Variants in RAB27B observed in about 807,000 individuals in gnomAD.
RAB27B encodes the protein RAB27B, member RAS oncogene family, also known as ras-related protein Rab-27B.
A neutral mutation model predicts 24.6 loss-of-function variants in RAB27B; 15 were observed. The ratio of observed to expected loss-of-function variants is 0.61; its 90% confidence interval spans 0.41 to 0.94. The LOEUF (loss-of-function observed/expected upper bound fraction) is 0.94, where lower values mean the gene tolerates loss of function less well. Among genes scored for constraint, RAB27B ranks in the 40% least tolerant of loss-of-function variants. The pLI, the probability that RAB27B is intolerant of heterozygous loss-of-function variation, is 0.00. For synonymous variants in RAB27B, 105 were observed against 92.5 expected, an observed-to-expected ratio of 1.14 and a Z score of -0.78; for missense variants, 261 against 266.8, an observed-to-expected ratio of 0.98 and a Z score of 0.15.
intron 2 of RAB27B, among the ~76,000 whole-genome samples, chr18:54,796,555 C>T (rs1296580438): frequency 6.6e-6 from 1 of 152,032 alleles, no homozygotes; most frequent in Non-Finnish European, 1.5e-5. Context: ...GTCAGGATGC[C>T]CAGAGGCAGA....
At chr18:54,837,520 T>C (rs977202707) in intron 1 of RAB27B, among the ~76,000 whole-genome samples, 29 of 152,060 alleles carry the variant, frequency 1.9e-4, no homozygotes, top group Admixed American at 1.8e-3. Flanking sequence ...TTCAAGAAAA[T>C]GACTCTTGAA....
intron 2 of RAB27B, among the ~76,000 whole-genome samples, chr18:54,719,009 A>T (rs1014855127): frequency 2.6e-5 from 4 of 151,718 alleles, no homozygotes; most frequent in Admixed American, 1.3e-4. Flanking sequence ...TGAACAAAAT[A>T]TTGAGTTCTG....
intron 1 of RAB27B, among the ~76,000 whole-genome samples, chr18:54,868,700 T>C (rs1454327564): frequency 6.6e-6 from 1 of 151,994 alleles, no homozygotes; most frequent in Non-Finnish European, 1.5e-5. Flanking sequence ...CTCAACTCAC[T>C]GCAACCTCCT....
chr18:54,745,217 C>A, intron 2 of RAB27B: 1 of 183,774 alleles, frequency 5.4e-6, no homozygotes. Context: ...CATTGCCATC[C>A]CATGTAACAA....
chr18:54,756,314 C>T (rs1908004699), intron 2 of RAB27B, among the ~76,000 whole-genome samples: 2 of 152,242 alleles, frequency 1.3e-5, no homozygotes, highest in South Asian at 4.2e-4. Flanking sequence ...ATCATTGCCA[C>T]CATTTCAGTT....
intron 1 of RAB27B, among the ~76,000 whole-genome samples, chr18:54,872,953 A>G (rs901058395): frequency 6.6e-6 from 1 of 152,224 alleles, no homozygotes; most frequent in Non-Finnish European, 1.5e-5. Flanking sequence ...AACTTACATT[A>G]AACAAAAATA....
intron 1 of RAB27B, among the ~76,000 whole-genome samples, chr18:54,837,166 T>C (rs1290235678): frequency 1.3e-5 from 2 of 152,096 alleles, no homozygotes; most frequent in African/African-American, 4.8e-5. Flanking sequence ...TTTCAGTTAG[T>C]GGTTTGAAGG....
intron 2 of RAB27B, among the ~76,000 whole-genome samples, chr18:54,791,173 G>A (rs201451273): frequency 2.6e-5 from 4 of 151,828 alleles, no homozygotes; most frequent in Non-Finnish European, 5.9e-5. Flanking sequence ...TTATAGGCTT[G>A]TCTCACAATA....
At chr18:54,740,038 G>C (rs1261856284) in intron 2 of RAB27B, among the ~76,000 whole-genome samples, 5 of 152,098 alleles carry the variant, frequency 3.3e-5, no homozygotes, top group African/African-American at 9.7e-5. Context: ...TCATTCTGCA[G>C]CTTGCCTCTT....
At chr18:54,762,153 G>A (rs1000617088) in intron 2 of RAB27B, among the ~76,000 whole-genome samples, 1 of 152,146 alleles carries the variant, frequency 6.6e-6, no homozygotes, top group East Asian at 1.9e-4. Flanking sequence ...TATCCCTGTT[G>A]ACCTCTTGAT....
chr18:54,768,083 G>C (rs1373924197), intron 2 of RAB27B, among the ~76,000 whole-genome samples: 4 of 152,172 alleles, frequency 2.6e-5, no homozygotes, highest in African/African-American at 9.7e-5. Flanking sequence ...GGAGAGACAA[G>C]GAAGATGTGG....
intron 2 of RAB27B, 89 bp from the exon 3 acceptor site, chr18:54,879,280 T>G: frequency 1.0e-6 from 1 of 962,904 alleles, no homozygotes; most frequent in Non-Finnish European, 1.7e-6. Flanking sequence ...TTATAGTAAT[T>G]GAGAAAAAAA....
At chr18:54,816,568 A>G (rs1910128464) in intron 2 of RAB27B, among the ~76,000 whole-genome samples, 1 of 152,258 alleles carries the variant, frequency 6.6e-6, no homozygotes, top group South Asian at 2.1e-4. Context: ...AGATTTAAGG[A>G]TAATTTTTAT....
chr18:54,730,388 C>G (rs1302773007), intron 2 of RAB27B, among the ~76,000 whole-genome samples: 1 of 152,170 alleles, frequency 6.6e-6, no homozygotes, highest in Non-Finnish European at 1.5e-5. Flanking sequence ...CCAATGCCCT[C>G]CCGTCATCAA....
chr18:54,798,741 C>T (rs902831912), intron 2 of RAB27B, among the ~76,000 whole-genome samples: 1 of 152,152 alleles, frequency 6.6e-6, no homozygotes, highest in Non-Finnish European at 1.5e-5. Context: ...CAGTCACATT[C>T]TGTATATCAA....
At chr18:54,823,435 A>G (rs1052066350) in intron 2 of RAB27B, among the ~76,000 whole-genome samples, 4 of 152,152 alleles carry the variant, frequency 2.6e-5, no homozygotes, top group Non-Finnish European at 5.9e-5. Flanking sequence ...GTCAAGAGAA[A>G]TTTTTAAGAG....
intron 2 of RAB27B, among the ~76,000 whole-genome samples, chr18:54,789,882 G>T (rs1212149556): frequency 1.3e-5 from 2 of 152,046 alleles, no homozygotes; most frequent in African/African-American, 4.8e-5. Flanking sequence ...CATTTACTAA[G>T]GTTTTGCTTT....
intron 2 of RAB27B, among the ~76,000 whole-genome samples, chr18:54,819,217 AAATAT>A (rs1408270976): frequency 6.8e-6 from 1 of 148,014 alleles, no homozygotes; most frequent in Admixed American, 6.8e-5. Context: ...TTATAATTCT[AAATAT>A]AATAGAATTA....
At chr18:54,748,043 G>T (rs534760573) in intron 2 of RAB27B, among the ~76,000 whole-genome samples, 3 of 152,160 alleles carry the variant, frequency 2.0e-5, no homozygotes, top group South Asian at 4.2e-4. Flanking sequence ...GGAAGTGAAG[G>T]TTGCAATGAG....
Sources: allele counts gnomAD v4.1 joint callset (sites outside exome capture counted in the v4.1 genomes callset), GRCh38; gene constraint gnomAD v4.1.1; transcripts MANE v1.5; gene names NCBI Gene and HGNC (gene_info 2026-07-23, HGNC 2026-07-21).